Variants in FOCAD observed in about 807,000 individuals in gnomAD.
FOCAD encodes focadhesin.
Under a neutral mutation model 225.6 loss-of-function variants are expected in FOCAD, and 198 were observed. The ratio of observed to expected loss-of-function variants is 0.88; its 90% CI spans 0.78 to 0.99. The LOEUF (loss-of-function observed/expected upper bound fraction) is 0.99. Among genes scored for constraint, FOCAD ranks in the 50% least tolerant of loss-of-function variants. The pLI, the probability that FOCAD is intolerant of heterozygous loss-of-function variation, is 0.00. For missense variants in FOCAD, 2,713 were observed against 2,123.6 expected (o/e 1.28, Z -5.46); for synonymous variants, 897 against 755.0 (o/e 1.19, Z -3.08).
chr9:20,797,753 C>T (rs1442358800), intron 11 of FOCAD, among the ~76,000 whole-genome samples: 7 of 152,168 alleles, frequency 4.6e-5, no homozygotes, highest in African/African-American at 7.2e-5. Flanking sequence ...TGGGCTGAGA[C>T]GATGGGGTTT....
At chr9:20,906,621 A>G (rs1833003135) in intron 21 of FOCAD, among the ~76,000 whole-genome samples, 1 of 152,072 alleles carries the variant, frequency 6.6e-6, no homozygotes, top group Non-Finnish European at 1.5e-5. Context: ...AAGGCCATTT[A>G]TCTAGTGGTG....
chr9:20,765,081 C>G lies in FOCAD; in HGVS notation c.699+8C>G, dbSNP rs1587073564. On this transcript the variant is annotated splice_region_variant and intron_variant, in intron 7 of 43. Coordinates refer to ENST00000338382, the MANE Select transcript of FOCAD (RefSeq NM_001375567.1). ...ATAGTTCCATGTTTGCAGGTAAGGT[C>G]TTTGTCCTCCTCCACAAATATAGGT... is the stretch of plus-strand genomic sequence containing the variant. The G allele has an allele frequency of 6.2e-7, 1 of 1,608,056 alleles. No individual in the cohort carries two copies. The highest frequency in any genetic ancestry group is 1.3e-5 in the African/African-American group (1 of 74,932).
intron 15 of FOCAD, among the ~76,000 whole-genome samples, chr9:20,860,750 A>T (rs748425410): frequency 4.3e-4 from 66 of 152,202 alleles, no homozygotes; most frequent in Non-Finnish European, 4.4e-5. Flanking sequence ...ACCTTAAGTG[A>T]TCCACCCACC....
chr9:20,721,979 CCTTCCCT>C (rs1374286502), intron 4 of FOCAD, among the ~76,000 whole-genome samples: 29 of 22,040 alleles, frequency 1.3e-3, no homozygotes, highest in East Asian at 0.012. Context: ...TTTCTCCCCT[CCTTCCCT>C]CCCTCCCTCC....
At chr9:20,665,960 T>C (rs1821888377) in intron 2 of FOCAD, among the ~76,000 whole-genome samples, 1 of 152,040 alleles carries the variant, frequency 6.6e-6, no homozygotes, top group Non-Finnish European at 1.5e-5. Context: ...AATGGCGTGG[T>C]CTCAGCTCAC....
At chr9:20,884,696 TA>T (rs1428511536) in intron 20 of FOCAD, among the ~76,000 whole-genome samples, 3 of 152,192 alleles carry the variant, frequency 2.0e-5, no homozygotes, top group African/African-American at 7.2e-5. Flanking sequence ...AGTTAGCTTT[TA>T]GTTATAAATA....
intron 21 of FOCAD, among the ~76,000 whole-genome samples, chr9:20,903,500 C>G (rs1216425328): frequency 6.6e-6 from 1 of 151,832 alleles, no homozygotes; most frequent in East Asian, 1.9e-4. Context: ...TCATGTAATT[C>G]TTTTTCTCAA....
At chr9:20,912,429 C>T (rs562860857) in intron 22 of FOCAD, among the ~76,000 whole-genome samples, 20 of 151,982 alleles carry the variant, frequency 1.3e-4, no homozygotes, top group East Asian at 3.9e-4. Context: ...TATATCTTAC[C>T]GGAATCTTAA....
At chr9:20,876,629 G>GATCTA in intron 19 of FOCAD, among the ~76,000 whole-genome samples, 1 of 152,032 alleles carries the variant, frequency 6.6e-6, no homozygotes, top group East Asian at 1.9e-4. Context: ...TGAGTGAGGT[G>GATCTA]GGTGATCTAG....
At chr9:20,782,300 C>T (rs561289914) in intron 10 of FOCAD, among the ~76,000 whole-genome samples, 1 of 152,114 alleles carries the variant, frequency 6.6e-6, no homozygotes, top group Non-Finnish European at 1.5e-5. Context: ...TGAGATAATC[C>T]AAGGTGGGAA....
chr9:20,938,808 T>C (rs1836305178), intron 28 of FOCAD, among the ~76,000 whole-genome samples: 1 of 152,092 alleles, frequency 6.6e-6, no homozygotes, highest in Non-Finnish European at 1.5e-5. Context: ...ATTATGTACA[T>C]GAACTTTAGT....
intron 10 of FOCAD, among the ~76,000 whole-genome samples, chr9:20,785,092 A>G (rs1819778827): frequency 6.6e-6 from 1 of 152,130 alleles, no homozygotes. Flanking sequence ...TTTGGTATAT[A>G]TTAACTGGTT....
At chr9:20,806,837 T>A (rs1822512106) in intron 11 of FOCAD, among the ~76,000 whole-genome samples, 1 of 152,210 alleles carries the variant, frequency 6.6e-6, no homozygotes, top group Non-Finnish European at 1.5e-5. Context: ...TTGGTTGCAC[T>A]AACCTGGGAT....
In FOCAD at chr9:20,929,353, C is replaced by G. The variant is rs1416060900; in HGVS notation, c.3079-5C>G. ...ACCCTGTTTTCTTTCTTTGGCATGT[C>G]CTAGAAGTCCTATTCTGGTGAAAAC... is the stretch of plus-strand genomic sequence containing the variant. On this transcript the variant is annotated splice_region_variant and splice_polypyrimidine_tract_variant and intron_variant, in intron 26 of 43. Coordinates refer to ENST00000338382, the MANE Select transcript of FOCAD (RefSeq NM_001375567.1). 1.2e-6 allele frequency: 2 copies of G among 1,612,296 alleles called. No homozygotes were observed. The highest frequency in any genetic ancestry group is 1.3e-5 in the African/African-American group (1 of 74,864).
intron 8 of FOCAD, among the ~76,000 whole-genome samples, chr9:20,775,399 A>G (rs1818654914): frequency 6.6e-6 from 1 of 152,236 alleles, no homozygotes; most frequent in Non-Finnish European, 1.5e-5. Flanking sequence ...TCCCAGCAGC[A>G]CTACTGGCTG....
In FOCAD at chr9:20,983,497, G is replaced by A. The variant is rs538066512; in HGVS notation, c.4728+1051G>A. On this transcript the variant is annotated intron_variant, in intron 39 of 43. Coordinates refer to ENST00000338382, the MANE Select transcript of FOCAD (RefSeq NM_001375567.1). Reference sequence around the variant, plus strand: ...TGAGGCAGGAGAATCGCTTGAACCCGGGAGGTGGAGGTTGCAGTGAGCCGA... The same window carrying A: ...TGAGGCAGGAGAATCGCTTGAACCCAGGAGGTGGAGGTTGCAGTGAGCCGA... 2.3e-4 allele frequency among the ~76,000 whole-genome samples: 35 copies of A among 150,552 alleles called. No individual in the cohort carries two copies. In the South Asian group the frequency reaches 7.0e-3, roughly 30 times the overall value.
At chr9:20,803,511 G>A (rs1028086755) in intron 11 of FOCAD, among the ~76,000 whole-genome samples, 1 of 152,118 alleles carries the variant, frequency 6.6e-6, no homozygotes, top group African/African-American at 2.4e-5. Flanking sequence ...AGAATTTGTT[G>A]AAGTAAAAGA....
intron 9 of FOCAD, among the ~76,000 whole-genome samples, chr9:20,779,448 T>A (rs1159525050): frequency 6.6e-6 from 1 of 152,172 alleles, no homozygotes; most frequent in Non-Finnish European, 1.5e-5. Context: ...GTTCTTAGTT[T>A]TAAAAAGTAC....
chr9:20,815,123 GT>G (rs71334554), intron 11 of FOCAD, among the ~76,000 whole-genome samples: 34,820 of 87,824 alleles, frequency 0.4, 6,122 homozygotes, highest in Admixed American at 0.51. Flanking sequence ...ACTTCTCTTT[GT>G]TTTTTTTTTT....
Sources: gnomAD v4.1 joint callset for allele counts (sites outside exome capture counted in the v4.1 genomes callset) on GRCh38, gnomAD v4.1.1 for gene constraint, MANE v1.5 for transcripts, NCBI Gene and HGNC (gene_info 2026-07-23, HGNC 2026-07-21) for gene names.